The following ZFHX3 variants were observed in gnomAD, a reference collection of about 807,000 sequenced individuals.
ZFHX3 encodes zinc finger homeobox 3.
Under a neutral mutation model 279.1 loss-of-function variants are expected in ZFHX3, and 42 were observed. That is an observed-to-expected ratio of 0.15 (90% CI 0.12 to 0.19). The LOEUF (loss-of-function observed/expected upper bound fraction) is 0.19. Ranked by LOEUF, ZFHX3 falls within the 10% of genes least tolerant of loss-of-function variation. The pLI is 1.00. For missense variants in ZFHX3, 4,981 were observed against 4,754.0 expected, an observed-to-expected ratio of 1.05 and a Z score of -1.40; for synonymous variants, 2,293 against 1,957.8, an observed-to-expected ratio of 1.17 and a Z score of -4.52.
chr16:73,654,166 A>G (rs999036786), intron 2 of ZFHX3, among the ~76,000 whole-genome samples: 31 of 150,352 alleles, frequency 2.1e-4, no homozygotes, highest in African/African-American at 7.4e-5. Flanking sequence ...CCTGGGTGAC[A>G]GAGCGAGACT....
intron 1 of ZFHX3, among the ~76,000 whole-genome samples, chr16:72,983,070 C>T (rs536015975): frequency 2.0e-5 from 3 of 152,192 alleles, no homozygotes; most frequent in African/African-American, 7.2e-5. Flanking sequence ...GCTTCTTCCC[C>T]GTCAGGAATG....
At chr16:72,954,670 A>G (rs879299858) in intron 2 of ZFHX3, among the ~76,000 whole-genome samples, 11 of 152,186 alleles carry the variant, frequency 7.2e-5, no homozygotes, top group Non-Finnish European at 1.6e-4. Context: ...TCTTGGTGCT[A>G]TGCTAAACTT....
intron 5 of ZFHX3, among the ~76,000 whole-genome samples, chr16:73,150,169 G>C (rs964105956): frequency 2.0e-4 from 31 of 152,138 alleles, no homozygotes; most frequent in African/African-American, 7.0e-4. Context: ...AGGCCCCTTT[G>C]GATTCACTCT....
intron 1 of ZFHX3, among the ~76,000 whole-genome samples, chr16:73,824,670 C>G (rs538750786): frequency 1.0e-5 from 1 of 98,564 alleles, no homozygotes; most frequent in Non-Finnish European, 2.0e-5. Flanking sequence ...TTTGTTCTTG[C>G]GATAGTTTAC....
At chr16:73,495,081 T>C (rs2432543) in intron 2 of ZFHX3, among the ~76,000 whole-genome samples, 39,940 of 152,110 alleles carry the variant, frequency 0.26, 5,913 homozygotes, top group East Asian at 0.61. Context: ...ATTGGCTGTA[T>C]CTCTTTACTG....
At chr16:73,009,771 A>T (rs532552291) in intron 1 of ZFHX3, among the ~76,000 whole-genome samples, 56 of 152,298 alleles carry the variant, frequency 3.7e-4, no homozygotes, top group African/African-American at 1.2e-3. Context: ...CTGTAATTCC[A>T]GCACTTTCAG....
chr16:72,935,867 C>CCCGG (rs1302962360), intron 3 of ZFHX3, among the ~76,000 whole-genome samples: 16 of 152,138 alleles, frequency 1.1e-4, no homozygotes, highest in Admixed American at 8.5e-4. Flanking sequence ...CGGTAAGGAT[C>CCCGG]TTACAACTAA....
chr16:73,209,152 T>C (rs141506024), intron 5 of ZFHX3, among the ~76,000 whole-genome samples: 2,411 of 152,314 alleles, frequency 0.016, 64 homozygotes, highest in African/African-American at 0.053. Flanking sequence ...TCTACTAATA[T>C]ATTAGAGATT....
intron 2 of ZFHX3, among the ~76,000 whole-genome samples, chr16:73,484,107 T>A (rs1260806239): frequency 1.3e-5 from 2 of 152,052 alleles, no homozygotes; most frequent in Non-Finnish European, 1.5e-5. Context: ...GCCCAGGGGC[T>A]GCAGGTAGGA....
intron 4 of ZFHX3, among the ~76,000 whole-genome samples, chr16:73,306,739 G>A (rs1271114893): frequency 6.6e-6 from 1 of 152,188 alleles, no homozygotes; most frequent in South Asian, 2.1e-4. Flanking sequence ...TTACCTCTGG[G>A]CCCAGCAGTG....
chr16:73,129,254 G>T (rs1225986419), intron 7 of ZFHX3, among the ~76,000 whole-genome samples: 2 of 152,028 alleles, frequency 1.3e-5, no homozygotes, highest in East Asian at 3.9e-4. Flanking sequence ...CAGGCGTGGT[G>T]GTGGGTTCCT....
chr16:72,906,905 G>C (rs900053372), intron 3 of ZFHX3, among the ~76,000 whole-genome samples: 12 of 152,216 alleles, frequency 7.9e-5, no homozygotes, highest in Non-Finnish European at 1.3e-4. Context: ...GGACTAGAGA[G>C]AGGACTGCCC....
intron 2 of ZFHX3, among the ~76,000 whole-genome samples, chr16:73,585,684 T>C (rs2051918716): frequency 6.6e-6 from 1 of 152,128 alleles, no homozygotes; most frequent in Admixed American, 6.6e-5. Context: ...GTGAAAACTA[T>C]GTGTGTGAAA....
chr16:73,487,496 G>A (rs1434110975), intron 2 of ZFHX3: 1 of 424,046 alleles, frequency 2.4e-6, no homozygotes, highest in East Asian at 7.3e-5. Context: ...AGTCTCCTGA[G>A]CTCAAGTGAT....
intron 2 of ZFHX3, among the ~76,000 whole-genome samples, chr16:73,570,596 G>C (rs2051724147): frequency 6.6e-6 from 1 of 152,108 alleles, no homozygotes; most frequent in Non-Finnish European, 1.5e-5. Context: ...AAGAAATTTA[G>C]TTGAGTTTTC....
chr16:73,218,249 C>T (rs188275223), intron 5 of ZFHX3, among the ~76,000 whole-genome samples: 97 of 152,198 alleles, frequency 6.4e-4, no homozygotes, highest in African/African-American at 1.6e-3. Flanking sequence ...AAGGAAACTC[C>T]TTTTTTCATT....
At chr16:73,820,483 T>G (rs1257071205) in intron 1 of ZFHX3, among the ~76,000 whole-genome samples, 1 of 152,098 alleles carries the variant, frequency 6.6e-6, no homozygotes, top group Non-Finnish European at 1.5e-5. Flanking sequence ...ATTCACAGTT[T>G]ACAGGGAGAG....
At chr16:72,842,331 C>A (rs1013423040) in intron 4 of ZFHX3, among the ~76,000 whole-genome samples, 1 of 152,142 alleles carries the variant, frequency 6.6e-6, no homozygotes, top group Non-Finnish European at 1.5e-5. Context: ...AATCTTCCCG[C>A]CTCAGCCTCC....
At chr16:73,700,513 T>C (rs1179913237) in intron 1 of ZFHX3, among the ~76,000 whole-genome samples, 1 of 152,250 alleles carries the variant, frequency 6.6e-6, no homozygotes, top group Non-Finnish European at 1.5e-5. Flanking sequence ...GAATACATGT[T>C]ATTTTCTTAA....
Sources: allele counts gnomAD v4.1 joint callset (sites outside exome capture counted in the v4.1 genomes callset), GRCh38; gene constraint gnomAD v4.1.1; transcripts MANE v1.5; gene names NCBI Gene and HGNC (gene_info 2026-07-23, HGNC 2026-07-21).